The following FAM168A variants were observed in gnomAD, a reference collection of about 807,000 sequenced individuals.
The protein encoded by FAM168A is protein FAM168A.
Under a neutral mutation model 28.5 loss-of-function variants are expected in FAM168A, and 3 were observed. That is an observed-to-expected ratio of 0.11 (90% CI 0.05 to 0.27). FAM168A has a LOEUF of 0.27. Ranked by LOEUF, FAM168A falls within the 10% of genes least tolerant of loss-of-function variation. FAM168A has a pLI of 1.00. For synonymous variants in FAM168A, 122 were observed against 124.2 expected (o/e 0.98, Z 0.12); for missense variants, 222 against 311.5 (o/e 0.71, Z 2.16).
intron 5 of FAM168A, among the ~76,000 whole-genome samples, chr11:73,410,024 T>G (rs1866579860): frequency 1.3e-5 from 2 of 152,012 alleles, no homozygotes; most frequent in South Asian, 2.1e-4. Flanking sequence ...ACAGGGCTGG[T>G]AAACTCCAGA....
At chr11:73,518,888 C>A (rs1405529074) in intron 1 of FAM168A, among the ~76,000 whole-genome samples, 1 of 151,912 alleles carries the variant, frequency 6.6e-6, no homozygotes, top group East Asian at 1.9e-4. Context: ...CAGAGTGAGA[C>A]TGTCTCAAAA....
chr11:73,527,093 A>C (rs1943456775), intron 1 of FAM168A, among the ~76,000 whole-genome samples: 1 of 151,944 alleles, frequency 6.6e-6, no homozygotes, highest in Admixed American at 6.6e-5. Flanking sequence ...ACCTCCTTAA[A>C]GGACCATAAC....
intron 3 of FAM168A, 62 bp downstream of exon 3, chr11:73,430,628 T>G (rs1349259286): frequency 6.6e-7 from 1 of 1,509,616 alleles, no homozygotes; most frequent in African/African-American, 1.4e-5. Flanking sequence ...GTGGTTTTGC[T>G]TTTCCCAAAT....
At chr11:73,574,533 A>C (rs960726264) in intron 1 of FAM168A, among the ~76,000 whole-genome samples, 7 of 152,124 alleles carry the variant, frequency 4.6e-5, no homozygotes, top group Non-Finnish European at 1.0e-4. Context: ...ACAGCATCAC[A>C]TGAAAATATA....
intron 2 of FAM168A, among the ~76,000 whole-genome samples, chr11:73,447,787 C>T (rs1479221997): frequency 1.3e-5 from 2 of 151,758 alleles, no homozygotes; most frequent in Non-Finnish European, 2.9e-5. Context: ...TGGGTCTATC[C>T]AAGATAGACC....
At chr11:73,425,389 T>C (rs984554035) in intron 3 of FAM168A, among the ~76,000 whole-genome samples, 18 of 152,234 alleles carry the variant, frequency 1.2e-4, no homozygotes, top group Non-Finnish European at 2.4e-4. Context: ...GGATTTCACA[T>C]ATGGCAGATG....
intron 1 of FAM168A, among the ~76,000 whole-genome samples, chr11:73,587,174 A>G (rs986046663): frequency 6.6e-6 from 1 of 150,656 alleles, no homozygotes; most frequent in Non-Finnish European, 1.5e-5. Context: ...AAAAAAAAAA[A>G]AAAACTAAGT....
At chr11:73,474,414 T>C (rs1867860112) in intron 1 of FAM168A, among the ~76,000 whole-genome samples, 1 of 152,038 alleles carries the variant, frequency 6.6e-6, no homozygotes, top group South Asian at 2.1e-4. Flanking sequence ...TACGGCACAC[T>C]ACAGCTTCAA....
chr11:73,515,714 G>A (rs1417969911), intron 1 of FAM168A, among the ~76,000 whole-genome samples: 1 of 152,008 alleles, frequency 6.6e-6, no homozygotes, highest in East Asian at 1.9e-4. Flanking sequence ...CGCTAATCAA[G>A]AATAGAAATG....
chr11:73,427,174 G>C (rs1419735994), intron 3 of FAM168A, among the ~76,000 whole-genome samples: 1 of 151,952 alleles, frequency 6.6e-6, no homozygotes, highest in South Asian at 2.1e-4. Context: ...TGTATTTTTA[G>C]TAGAGACAGC....
rs1462389397 is a variant in FAM168A at position 73,408,916 on chromosome 11, G to A, written c.595+571C>T. On this transcript the variant is annotated intron_variant, in intron 6 of 7. Coordinates refer to ENST00000356467, the MANE Select transcript of FAM168A (RefSeq NM_015159.3). Reference sequence around the variant, plus strand: ...TTGCCCCTGTGTCTTCTTTTTTGGCGCCCCTGCTGTTACTGGAGTGCTAGC... The same window carrying A: ...TTGCCCCTGTGTCTTCTTTTTTGGCACCCCTGCTGTTACTGGAGTGCTAGC... 5.3e-5 allele frequency among the ~76,000 whole-genome samples: 8 copies of A among 151,398 alleles called. No homozygotes were observed. In the South Asian group the frequency reaches 1.3e-3, roughly 24 times the overall value.
chr11:73,535,442 A>G (rs1399654019), intron 1 of FAM168A, among the ~76,000 whole-genome samples: 2 of 143,706 alleles, frequency 1.4e-5, no homozygotes, highest in Non-Finnish European at 3.0e-5. Flanking sequence ...TTTTTGAGAC[A>G]GAGTCTTGTT....
chr11:73,589,800 G>A (rs924115665), intron 1 of FAM168A, among the ~76,000 whole-genome samples: 1 of 152,094 alleles, frequency 6.6e-6, no homozygotes. Flanking sequence ...GGTGGCGCAC[G>A]CCTGTAGTCC....
chr11:73,550,934 T>A (rs1008992305), intron 1 of FAM168A, among the ~76,000 whole-genome samples: 1 of 151,974 alleles, frequency 6.6e-6, no homozygotes, highest in Non-Finnish European at 1.5e-5. Flanking sequence ...GGTGAAACCC[T>A]GTCTCTACTA....
At chr11:73,407,454 C>A in intron 7 of FAM168A, 59 bp downstream of exon 7, 1 of 1,266,652 alleles carries the variant, frequency 7.9e-7, no homozygotes, top group African/African-American at 1.6e-5. Context: ...AAACCAGGGA[C>A]TTTGAGGCAG....
intron 1 of FAM168A, among the ~76,000 whole-genome samples, chr11:73,493,536 C>A (rs141230548): frequency 6.6e-6 from 1 of 152,176 alleles, no homozygotes; most frequent in Non-Finnish European, 1.5e-5. Flanking sequence ...AGGCCTCAGC[C>A]TCCTAAGTAG....
chr11:73,519,828 GTA>G (rs1249207744), intron 1 of FAM168A, among the ~76,000 whole-genome samples: 1 of 151,058 alleles, frequency 6.6e-6, no homozygotes, highest in African/African-American at 2.4e-5. Flanking sequence ...ATATATATAT[GTA>G]TATTTTTTTT....
chr11:73,468,197 C>T (rs1867764637), intron 2 of FAM168A, among the ~76,000 whole-genome samples: 1 of 152,230 alleles, frequency 6.6e-6, no homozygotes, highest in Non-Finnish European at 1.5e-5. Flanking sequence ...CTCTAAAACA[C>T]TCTCCTGGTA....
chr11:73,416,808 T>C (rs1315144837), intron 4 of FAM168A, among the ~76,000 whole-genome samples: 1 of 152,012 alleles, frequency 6.6e-6, no homozygotes, highest in African/African-American at 2.4e-5. Context: ...TAGCTGGGCA[T>C]GGTTTTGCAT....
Sources: allele counts gnomAD v4.1 joint callset (sites outside exome capture counted in the v4.1 genomes callset), GRCh38; gene constraint gnomAD v4.1.1; transcripts MANE v1.5; gene names NCBI Gene and HGNC (gene_info 2026-07-23, HGNC 2026-07-21).